ERGIC1: variants seen among roughly 807,000 people sequenced by gnomAD.
ERGIC1 encodes endoplasmic reticulum-golgi intermediate compartment 1.
In ERGIC1, 19 loss-of-function variants were observed where a neutral mutation model predicts 38.3. The ratio of observed to expected loss-of-function variants is 0.50; its 90% CI spans 0.35 to 0.73. ERGIC1 has a LOEUF of 0.73. ERGIC1 is among the 30% of genes least tolerant of loss of function. ERGIC1 has a pLI of 0.01. For missense variants in ERGIC1, 294 were observed against 389.2 expected (o/e 0.76, Z 2.06); for synonymous variants, 124 against 157.6 (o/e 0.79, Z 1.60).
chr5:172,886,796 T>C (rs1005719530), intron 1 of ERGIC1, among the ~76,000 whole-genome samples: 8 of 151,974 alleles, frequency 5.3e-5, no homozygotes, highest in African/African-American at 1.9e-4. Flanking sequence ...GGTGGTACAG[T>C]AGTGGTCATA....
intron 1 of ERGIC1, among the ~76,000 whole-genome samples, chr5:172,864,748 C>A (rs945073567): frequency 6.6e-6 from 1 of 151,996 alleles, no homozygotes; most frequent in Non-Finnish European, 1.5e-5. Flanking sequence ...CATGTCCCCC[C>A]CCCTTTTTTT....
chr5:172,920,585 C>G (rs998078289), intron 5 of ERGIC1: 1 of 623,204 alleles, frequency 1.6e-6, no homozygotes, highest in Non-Finnish European at 2.9e-6. Flanking sequence ...GTTGCTGTTT[C>G]TTTCTTCAGC....
At chr5:172,879,976 C>A (rs564313886) in intron 1 of ERGIC1, among the ~76,000 whole-genome samples, 1 of 152,322 alleles carries the variant, frequency 6.6e-6, no homozygotes, top group African/African-American at 2.4e-5. Flanking sequence ...CTTACATGAG[C>A]ACTAACAAGG....
intron 3 of ERGIC1, among the ~76,000 whole-genome samples, chr5:172,906,410 G>A (rs934607235): frequency 3.3e-5 from 5 of 152,144 alleles, no homozygotes; most frequent in East Asian, 3.9e-4. Context: ...TTTCACAGGC[G>A]CACATGGGAC....
At position 172,834,585 on chromosome 5, in the gene ERGIC1, C is replaced by CA. The variant is rs902583462; in HGVS notation, c.20+152_20+153insA. 89 of 710,518 alleles carry CA rather than the reference C, an allele frequency of 1.3e-4. 1 individual carries two copies. Among genetic ancestry groups the CA allele is most frequent in the Non-Finnish European group, 1.6e-4 (85 of 531,204 alleles). The allele number at this position is 710,518 out of a possible 1,614,324, so 44.0% of individuals were successfully genotyped here. A position where few individuals can be genotyped will look rare whatever the true frequency, so the allele number is the denominator to read the frequency against. ...CCCCTAGGGACCCCAGGCGAGCCCC[C>CA]CCCCTGCCGCACACGAAGCCAGCCA... is the stretch of plus-strand genomic sequence containing the variant. On this transcript the variant is annotated intron_variant, in intron 1 of 9. Coordinates refer to ENST00000393784, the MANE Select transcript of ERGIC1 (RefSeq NM_001031711.3). This position sits in a 1 kb window ranked among gnomAD's most constrained non-coding sequence, Gnocchi z 4.1.
chr5:172,930,498 A>G (rs1446218214), intron 7 of ERGIC1, among the ~76,000 whole-genome samples: 3 of 151,952 alleles, frequency 2.0e-5, no homozygotes, highest in Admixed American at 1.3e-4. Context: ...GTGTGCCACC[A>G]GGCTTGGCTA....
intron 1 of ERGIC1, among the ~76,000 whole-genome samples, chr5:172,875,285 A>G (rs1762117286): frequency 6.6e-6 from 1 of 152,178 alleles, no homozygotes; most frequent in Non-Finnish European, 1.5e-5. Context: ...CAGCATCTCA[A>G]GGATGCCAGA....
At chr5:172,879,853 T>A (rs1276326773) in intron 1 of ERGIC1, among the ~76,000 whole-genome samples, 1 of 152,172 alleles carries the variant, frequency 6.6e-6, no homozygotes, top group Non-Finnish European at 1.5e-5. Context: ...GACCTTCTTG[T>A]GTGCCATGGA....
chr5:172,848,020 T>C (rs80055186), intron 1 of ERGIC1, among the ~76,000 whole-genome samples: 3,256 of 152,302 alleles, frequency 0.021, 37 homozygotes, highest in East Asian at 0.05. Flanking sequence ...AAAAGAGATA[T>C]TAGCAAGTGC....
At chr5:172,860,139 G>T (rs1761659517) in intron 1 of ERGIC1, among the ~76,000 whole-genome samples, 1 of 94,020 alleles carries the variant, frequency 1.1e-5, no homozygotes, top group Non-Finnish European at 2.9e-5. Flanking sequence ...GAGGGGCAGG[G>T]ACAGAGGTGA....
chr5:172,946,915 G>C (rs1244644641), intron 9 of ERGIC1, among the ~76,000 whole-genome samples: 1 of 151,672 alleles, frequency 6.6e-6, no homozygotes, highest in African/African-American at 2.4e-5. Context: ...AGGCATGGTG[G>C]CTCACACCTG....
intron 1 of ERGIC1, among the ~76,000 whole-genome samples, chr5:172,878,706 A>G (rs372923291): frequency 6.6e-6 from 1 of 152,098 alleles, no homozygotes; most frequent in African/African-American, 2.4e-5. Flanking sequence ...CAAGGTCAGG[A>G]TTTGAGGGGG....
chr5:172,912,497 C>T (rs1763231461), intron 4 of ERGIC1, among the ~76,000 whole-genome samples: 1 of 152,298 alleles, frequency 6.6e-6, no homozygotes, highest in South Asian at 2.1e-4. Flanking sequence ...AAGCCATTCT[C>T]CTGCCTCAGC....
intron 1 of ERGIC1, among the ~76,000 whole-genome samples, chr5:172,878,839 G>A (rs371403411): frequency 5.3e-5 from 8 of 152,164 alleles, no homozygotes; most frequent in South Asian, 2.1e-4. Context: ...CACAGCCCCC[G>A]GGCCAGTGGT....
At chr5:172,941,462 C>T (rs1267271334) in intron 9 of ERGIC1, among the ~76,000 whole-genome samples, 2 of 152,132 alleles carry the variant, frequency 1.3e-5, no homozygotes, top group Non-Finnish European at 2.9e-5. Flanking sequence ...AAAAACTCAT[C>T]CAAGATCTCA....
At chr5:172,927,565 G>T (rs566604764) in intron 7 of ERGIC1, among the ~76,000 whole-genome samples, 1 of 149,572 alleles carries the variant, frequency 6.7e-6, no homozygotes, top group African/African-American at 2.5e-5. Context: ...TGTCCATCTT[G>T]CAGCTCTGCT....
rs70984922 is a variant in ERGIC1 at position 172,929,153 on chromosome 5, A to ATGTGTGTGTG, written c.541+2594_541+2603dup. On this transcript the variant is annotated intron_variant, in intron 7 of 9. Transcript: ENST00000393784. The stretch of plus-strand genomic sequence containing the variant: ...ATAATATGGGCTGTCATATATATAT[A>ATGTGTGTGTG]TGTGTGTGTGTGTGTGTGTATATAA... 3.7e-3 allele frequency among the ~76,000 whole-genome samples: 554 copies of ATGTGTGTGTG among 150,066 alleles called. 7 individuals are homozygous for ATGTGTGTGTG. The highest frequency in any genetic ancestry group is 0.013 in the African/African-American group (524 of 40,658).
At chr5:172,949,966 G>C (rs373837225) in intron 9 of ERGIC1, among the ~76,000 whole-genome samples, 1 of 152,132 alleles carries the variant, frequency 6.6e-6, no homozygotes, top group African/African-American at 2.4e-5. Context: ...CCAGCTACTC[G>C]GGAGGCTGAG....
Position 172,947,876 on chromosome 5 carries a change from T to TTGTGTGTGTGTGTGTG in ERGIC1, c.766-2812_766-2797dup, listed in dbSNP as rs10566172. Among the ~76,000 whole-genome samples, 9 of 145,826 alleles carry TTGTGTGTGTGTGTGTG rather than the reference T, an allele frequency of 6.2e-5. No individual in the cohort carries two copies. The East Asian group carries it at 1.0e-3, about 17-fold the overall frequency. On this transcript the variant is annotated intron_variant, in intron 9 of 9. Coordinates refer to ENST00000393784, the MANE Select transcript of ERGIC1 (RefSeq NM_001031711.3). ...GTGTGTAGATGAATACAGATGTGTT[T>TTGTGTGTGTGTGTGTG]TGTGTGTGTGTGTGTGTGTGTGTGT...
Sources: allele counts gnomAD v4.1 joint callset (sites outside exome capture counted in the v4.1 genomes callset), GRCh38; gene constraint gnomAD v4.1.1; non-coding constraint Gnocchi (gnomAD v3.1); transcripts MANE v1.5; gene names NCBI Gene and HGNC (gene_info 2026-07-23, HGNC 2026-07-21).